Variants in LPA observed in about 807,000 individuals in gnomAD.
LPA encodes the protein lipoprotein(a), also known as apolipoprotein(a).
A neutral mutation model predicts 197.9 loss-of-function variants in LPA; 199 were observed. The observed-to-expected ratio is 1.01, with a 90% CI of 0.90 to 1.13. The LOEUF (loss-of-function observed/expected upper bound fraction) is 1.13, where lower values mean the gene tolerates loss of function less well. Ranked by LOEUF, LPA falls within the 50% of genes most tolerant of loss-of-function variation. The pLI is 0.00. For synonymous variants in LPA, 715 were observed against 639.5 expected, an observed-to-expected ratio of 1.12 and a Z score of -1.78; for missense variants, 1,853 against 1,785.8, an observed-to-expected ratio of 1.04 and a Z score of -0.68.
intron 19 of LPA, among the ~76,000 whole-genome samples, chr6:160,600,481 T>A (rs1468827811): frequency 6.6e-6 from 1 of 152,122 alleles, no homozygotes; most frequent in East Asian, 1.9e-4. Flanking sequence ...GCAACCCAGT[T>A]AGGTTTCTCA....
chr6:160,559,987 T>G (rs917384918), intron 28 of LPA, among the ~76,000 whole-genome samples: 6 of 152,190 alleles, frequency 3.9e-5, no homozygotes, highest in Admixed American at 2.6e-4. Context: ...CCCCTTCCTG[T>G]GTCCATGTGT....
At position 160,606,509 on chromosome 6, in the gene LPA, G is replaced by A. The variant is rs762748478; in HGVS notation, c.2753C>T (p.Pro918Leu). Residue 918 changes from proline to leucine, a missense_variant, in exon 17 of 39, where the codon CCG becomes CTG. Coordinates refer to ENST00000316300, the MANE Select transcript of LPA (RefSeq NM_005577.4). ...AGAAGGAGCCTCTAGGCTTGGAATCGGGGTAATAGTTGGAGGCGCGACGGC... is the reference window on the plus strand; with the variant it reads ...AGAAGGAGCCTCTAGGCTTGGAATCAGGGTAATAGTTGGAGGCGCGACGGC... ...GTAVAPPTITPIPSLEAPSEQ... is the reference protein window; with the variant it reads ...GTAVAPPTITLIPSLEAPSEQ... 5 of 1,613,456 alleles carry A rather than the reference G, an allele frequency of 3.1e-6. No homozygotes were observed. The East Asian group carries it at 8.9e-5, about 29-fold the overall frequency.
intron 18 of LPA, among the ~76,000 whole-genome samples, chr6:160,602,230 C>T (rs777900724): frequency 1.3e-5 from 2 of 152,150 alleles, no homozygotes; most frequent in Non-Finnish European, 2.9e-5. Context: ...CTTTTTCTTC[C>T]TTGGCTTCCC....
At chr6:160,573,667 G>A (rs1778603107) in intron 28 of LPA, among the ~76,000 whole-genome samples, 1 of 152,166 alleles carries the variant, frequency 6.6e-6, no homozygotes, top group Non-Finnish European at 1.5e-5. Context: ...CTTCCTGTGA[G>A]CTGAACTGCA....
intron 28 of LPA, among the ~76,000 whole-genome samples, chr6:160,574,287 G>C (rs1389614473): frequency 6.6e-6 from 1 of 152,046 alleles, no homozygotes; most frequent in Non-Finnish European, 1.5e-5. Flanking sequence ...TTTCCAGGTG[G>C]GGGGAAAGTC....
chr6:160,559,257 G>GA (rs1301155706), intron 28 of LPA, among the ~76,000 whole-genome samples: 7 of 152,150 alleles, frequency 4.6e-5, no homozygotes, highest in African/African-American at 1.4e-4. Flanking sequence ...TCTTTTGGAG[G>GA]AAATGTAAAT....
chr6:160,600,083 C>G (rs906952198), intron 19 of LPA, among the ~76,000 whole-genome samples: 1 of 152,106 alleles, frequency 6.6e-6, no homozygotes, highest in African/African-American at 2.4e-5. Flanking sequence ...ATATAAAAAC[C>G]TTGCATGTGT....
chr6:160,553,923 C>T (rs1243334340), intron 30 of LPA, among the ~76,000 whole-genome samples: 2 of 88,430 alleles, frequency 2.3e-5, no homozygotes, highest in South Asian at 3.5e-4. Context: ...CTCTCTTTCT[C>T]TCTCTCTCTC....
intron 26 of LPA, among the ~76,000 whole-genome samples, chr6:160,583,244 T>C (rs1367641480): frequency 6.6e-6 from 1 of 152,204 alleles, no homozygotes; most frequent in African/African-American, 2.4e-5. Flanking sequence ...TTAGCAAATT[T>C]TTAAATGTAT....
chr6:160,646,655 A>AAC (rs1259305125), intron 2 of LPA, among the ~76,000 whole-genome samples: 2 of 122,444 alleles, frequency 1.6e-5, no homozygotes, highest in Admixed American at 1.8e-4. Flanking sequence ...ACACTGAGAT[A>AAC]ACACACACAC....
At chr6:160,611,413 T>C in intron 16 of LPA, 149 bp downstream of exon 16, 11 of 1,479,750 alleles carry the variant, frequency 7.4e-6, no homozygotes, top group Non-Finnish European at 1.0e-5. Flanking sequence ...CTCAGACCCT[T>C]AGCTCCAAGG....
At chr6:160,646,907 A>T (rs572855021) in intron 2 of LPA, among the ~76,000 whole-genome samples, 1 of 151,724 alleles carries the variant, frequency 6.6e-6, no homozygotes, top group Non-Finnish European at 1.5e-5. Context: ...TTTCCAGGTC[A>T]ACTCTCACAC....
intron 24 of LPA, 80 bp downstream of exon 24, chr6:160,589,473 A>T (rs1778981510): frequency 1.3e-6 from 2 of 1,545,418 alleles, no homozygotes; most frequent in Non-Finnish European, 1.8e-6. Flanking sequence ...GGGTCATAAG[A>T]AGTTAGCTGG....
chr6:160,563,555 T>C (rs1778397911), intron 28 of LPA, among the ~76,000 whole-genome samples: 1 of 152,232 alleles, frequency 6.6e-6, no homozygotes, highest in Non-Finnish European at 1.5e-5. Context: ...TGATTTGTGG[T>C]GTCGAGTTCT....
At chr6:160,578,942 T>C (rs1029230434) in intron 26 of LPA, among the ~76,000 whole-genome samples, 9 of 152,184 alleles carry the variant, frequency 5.9e-5, no homozygotes, top group African/African-American at 4.8e-5. Context: ...ATGCTCTCTA[T>C]GAAAACTGAG....
chr6:160,599,462 G>T, intron 20 of LPA, 38 bp downstream of exon 20: 1 of 1,611,282 alleles, frequency 6.2e-7, no homozygotes, highest in Non-Finnish European at 8.5e-7. Context: ...AACTTCCATT[G>T]GCCCTTCCTT....
chr6:160,541,589 C>T (rs538110197), intron 34 of LPA, among the ~76,000 whole-genome samples: 128 of 152,302 alleles, frequency 8.4e-4, no homozygotes, highest in Middle Eastern at 3.4e-3. Context: ...GAGCCAGATA[C>T]GATCCTGAGC....
intron 28 of LPA, among the ~76,000 whole-genome samples, chr6:160,571,108 C>T (rs1213509593): frequency 6.6e-6 from 1 of 152,130 alleles, no homozygotes; most frequent in Non-Finnish European, 1.5e-5. Flanking sequence ...CGCTTTACTT[C>T]ATTAAGTTGA....
intron 36 of LPA, 106 bp downstream of exon 36, chr6:160,539,937 T>C (rs1777953993): frequency 4.0e-6 from 6 of 1,502,654 alleles, no homozygotes; most frequent in African/African-American, 2.8e-5. Flanking sequence ...TTTCATGTGA[T>C]AGACAGTTCC....
Sources: allele counts gnomAD v4.1 joint callset (sites outside exome capture counted in the v4.1 genomes callset), GRCh38; gene constraint gnomAD v4.1.1; transcripts MANE v1.5; gene names NCBI Gene and HGNC (gene_info 2026-07-23, HGNC 2026-07-21).